ELP2: variants seen among roughly 807,000 people sequenced by gnomAD.
The protein encoded by ELP2 is elongator acetyltransferase complex subunit 2.
A neutral mutation model predicts 119.2 loss-of-function variants in ELP2; 90 were observed. That is an observed-to-expected ratio of 0.75 (90% CI 0.64 to 0.90). ELP2 has a LOEUF of 0.90. ELP2 is among the 40% of genes least tolerant of loss of function. ELP2 has a pLI of 0.00. For synonymous variants in ELP2, 339 were observed against 331.0 expected (o/e 1.02, Z -0.26); for missense variants, 921 against 967.8 (o/e 0.95, Z 0.64).
rs1041843617 is a variant in ELP2 at position 36,145,928 on chromosome 18, G to A, written c.893-20G>A. The stretch of plus-strand genomic sequence containing the variant: ...ATGATGATTGTTGATCACCTAAAGG[G>A]ATTAGGTTTTATTTTTTAGATGGTG... On this transcript the variant is annotated intron_variant, in intron 9 of 21. Coordinates refer to ENST00000358232, the MANE Select transcript of ELP2 (RefSeq NM_018255.4). The A allele has an allele frequency of 8.2e-6, 13 of 1,579,368 alleles. No homozygotes were observed. In the African/African-American group the frequency reaches 1.8e-4, roughly 21 times the overall value.
In ELP2 at chr18:36,159,751, GC is replaced by G; in HGVS notation, c.1553del (p.Pro518LeufsTer8). 6.2e-7 allele frequency: 1 copy of G among 1,613,642 alleles called. No homozygotes were observed. Among genetic ancestry groups the G allele is most frequent in the Non-Finnish European group, 8.5e-7 (1 of 1,179,664 alleles). ...TCAAACTAGGAGATATAGCTTCTCA[GC>G]CTTCTGATGAAGAGGAGCTGTTAAC... is the stretch of plus-strand genomic sequence containing the variant. ...AVFQGDIASQ[P>X]SDEEELLTST... On this transcript the variant is annotated frameshift_variant, in exon 15 of 22. Transcript: ENST00000358232. LOFTEE classifies it high-confidence loss of function.
At position 36,156,470 on chromosome 18, in the gene ELP2, C is replaced by T. The variant is rs758345393; in HGVS notation, c.1280C>T (p.Thr427Ile). The T allele has an allele frequency of 6.2e-7, 1 of 1,614,056 alleles. No individual in the cohort carries two copies. Among genetic ancestry groups the T allele is most frequent in the Non-Finnish European group, 8.5e-7 (1 of 1,179,954 alleles). The part of the protein sequence containing the change: ...PWKRKDQSQV[T>I]WHEIARPQIH... ...TGTTTATCCCGTTTTACCCAGGTGA[C>T]TTGGCATGAAATTGCAAGGCCTCAG... Residue 427 changes from threonine (T) to isoleucine (I), a missense_variant, in exon 13 of 22, where the codon ACT (threonine) becomes ATT (isoleucine). Thr to Ile is a moderately conservative substitution (Grantham distance 89). Coordinates refer to ENST00000358232, the MANE Select transcript of ELP2 (RefSeq NM_018255.4).
intron 17 of ELP2, among the ~76,000 whole-genome samples, chr18:36,163,707 A>G (rs566637047): frequency 3.5e-4 from 53 of 152,202 alleles, no homozygotes; most frequent in Non-Finnish European, 6.8e-4. Flanking sequence ...TTAAAAGACT[A>G]TCCCCTTCAT....
Position 36,177,471 on chromosome 18 carries a change from A to G in ELP2, c.*2830A>G, listed in dbSNP as rs1326697231. The G allele has an allele frequency of 6.6e-6, 1 of 152,220 alleles. No individual in the cohort carries two copies. Among genetic ancestry groups the G allele is most frequent in the African/African-American group, 2.4e-5 (1 of 41,456 alleles). 9.4% of individuals were successfully genotyped at this position (152,220 alleles called of 1,614,324 possible). On this transcript the variant is annotated 3_prime_UTR_variant, in exon 22 of 22. Transcript: ENST00000358232. ...TAGAGCAGTCAAATGCATAGAAACA[A>G]GTAGAATGGTAGTTGCCAAGGACTG...
chr18:36,156,864 T>C (rs1598800472), intron 13 of ELP2, among the ~76,000 whole-genome samples: 1 of 152,304 alleles, frequency 6.6e-6, no homozygotes, highest in South Asian at 2.1e-4. Flanking sequence ...GAGCTCAAAA[T>C]ACTACAAAGC....
At chr18:36,172,851 T>C (rs1270558627) in intron 21 of ELP2, among the ~76,000 whole-genome samples, 3 of 152,216 alleles carry the variant, frequency 2.0e-5, no homozygotes, top group Admixed American at 2.0e-4. Flanking sequence ...GTCATTATGG[T>C]GACTTAGGAT....
intron 17 of ELP2, among the ~76,000 whole-genome samples, chr18:36,161,605 C>G (rs977390509): frequency 6.6e-6 from 1 of 152,110 alleles, no homozygotes; most frequent in African/African-American, 2.4e-5. Flanking sequence ...TTATCCATAT[C>G]CTGTGGAATG....
At position 36,174,659 on chromosome 18, in the gene ELP2, T is replaced by A. The variant is rs772555903; in HGVS notation, c.*18T>A. The A allele has an allele frequency of 1.2e-6, 2 of 1,610,938 alleles. No individual in the cohort carries two copies. The highest frequency in any genetic ancestry group is 2.2e-5 in the East Asian group (1 of 44,856). ...CACTGTAATGGACTTAATAACTACA[T>A]GCTTGCAGTCACTGGTATCTTAAAA... On this transcript the variant is annotated 3_prime_UTR_variant, in exon 22 of 22. Transcript: ENST00000358232.
rs772956192 is a variant in ELP2, at chr18:36,142,964, A to G, written c.794A>G (p.Glu265Gly). Reference sequence around the variant, plus strand: ...GAAAATACTTTTACCATAGAAAATGAAAGTGAGTAATAATGAAAATATCCA... The same window carrying G: ...GAAAATACTTTTACCATAGAAAATGGAAGTGAGTAATAATGAAAATATCCA... ...LKENTFTIEN[E>G]SVKIAFAVTL... Residue 265 changes from glutamate to glycine, a missense_variant and splice_region_variant, in exon 8 of 22, where the codon GAA becomes GGA. By Grantham distance (98) the Glu-to-Gly change is moderately conservative (BLOSUM62 -2). Coordinates refer to ENST00000358232, the MANE Select transcript of ELP2 (RefSeq NM_018255.4). 21 of 1,583,112 alleles carry G rather than the reference A, an allele frequency of 1.3e-5. No individual in the cohort carries two copies. In the African/African-American group the frequency reaches 2.6e-4, roughly 19 times the overall value.
chr18:36,134,317 G>T (rs921592346), intron 2 of ELP2, among the ~76,000 whole-genome samples: 2 of 152,154 alleles, frequency 1.3e-5, no homozygotes, highest in Admixed American at 1.3e-4. Context: ...TGTCATGAAT[G>T]TACAGTGTTT....
In ELP2 at chr18:36,158,910, G is replaced by C; in HGVS notation, c.1534+6G>C. 6.2e-7 allele frequency: 1 copy of C among 1,603,670 alleles called. No homozygotes were observed. The highest frequency in any genetic ancestry group is 8.5e-7 in the Non-Finnish European group (1 of 1,170,600). On this transcript the variant is annotated splice_donor_region_variant and intron_variant, in intron 14 of 21. Coordinates refer to ENST00000358232, the MANE Select transcript of ELP2 (RefSeq NM_018255.4). Reference sequence around the variant, plus strand: ...AAATAAAGCTGTCTTTCAGGGTAAGGCTTTTGTCTTCAAAATTATTAAACC... The same window carrying C: ...AAATAAAGCTGTCTTTCAGGGTAAGCCTTTTGTCTTCAAAATTATTAAACC...
intron 3 of ELP2, among the ~76,000 whole-genome samples, chr18:36,137,023 A>T (rs1053091524): frequency 1.2e-4 from 19 of 152,352 alleles, no homozygotes; most frequent in African/African-American, 4.6e-4. Flanking sequence ...TTGTTAAAAA[A>T]AAAAAGGTTA....
At chr18:36,159,915 A>G (rs1426869654) in intron 15 of ELP2, 43 bp from the exon 16 acceptor site, 1 of 1,610,378 alleles carries the variant, frequency 6.2e-7, no homozygotes, top group Non-Finnish European at 8.5e-7. Flanking sequence ...AGTGCTATAG[A>G]ATTCACTTTT....
At chr18:36,159,236 C>T (rs1199714798) in intron 14 of ELP2, among the ~76,000 whole-genome samples, 1 of 152,072 alleles carries the variant, frequency 6.6e-6, no homozygotes, top group Admixed American at 6.5e-5. Context: ...CCTCAGCCTC[C>T]CAAATAGCTG....
At chr18:36,144,332 C>T (rs936610018) in intron 8 of ELP2, among the ~76,000 whole-genome samples, 3 of 152,078 alleles carry the variant, frequency 2.0e-5, no homozygotes, top group Admixed American at 1.3e-4. Context: ...TCCATTCTTA[C>T]GCTTCTATAA....
At chr18:36,138,078 T>C (rs898249173) in intron 3 of ELP2, 192 bp from the exon 4 acceptor site, 9 of 574,502 alleles carry the variant, frequency 1.6e-5, no homozygotes, top group Admixed American at 3.0e-5. Context: ...TTCCTAGATA[T>C]GAGATTGCTG....
intron 1 of ELP2, among the ~76,000 whole-genome samples, chr18:36,132,913 T>A (rs2089684145): frequency 6.6e-6 from 1 of 151,966 alleles, no homozygotes; most frequent in Non-Finnish European, 1.5e-5. Flanking sequence ...TAGTTTGGTG[T>A]GTCAGGACAG....
chr18:36,172,070 TG>T (rs1316129130), intron 21 of ELP2, among the ~76,000 whole-genome samples: 1 of 135,568 alleles, frequency 7.4e-6, no homozygotes, highest in African/African-American at 2.7e-5. Flanking sequence ...TGTTGGCTCA[TG>T]GTCTCTACCA....
chr18:36,154,731 A>G lies in ELP2; in HGVS notation c.1126-119A>G, dbSNP rs2090507093. 5 of 1,050,236 alleles carry G rather than the reference A, an allele frequency of 4.8e-6. No individual in the cohort carries two copies. In the South Asian group the frequency reaches 5.1e-5, roughly 11 times the overall value. The allele number at this position is 1,050,236 out of a possible 1,614,324, so 65.1% of individuals were successfully genotyped here. A position where few individuals can be genotyped will look rare whatever the true frequency, so the allele number is the denominator to read the frequency against. ...CTATTATTCTGTGATCCGATCTTGT[A>G]TACTTAGCTTTTCACCTTGCCAGAG... On this transcript the variant is annotated intron_variant, in intron 11 of 21. Transcript: ENST00000358232.
Sources: gnomAD v4.1 joint callset for allele counts (sites outside exome capture counted in the v4.1 genomes callset) on GRCh38, gnomAD v4.1.1 for gene constraint, MANE v1.5 for transcripts, NCBI Gene and HGNC (gene_info 2026-07-23, HGNC 2026-07-21) for gene names.